Variants in OPHN1 observed in about 807,000 individuals in gnomAD.
OPHN1 encodes oligophrenin-1.
In OPHN1, 11 loss-of-function variants were observed where a neutral mutation model predicts 60.7. That is an observed-to-expected ratio of 0.18 (90% confidence interval 0.11 to 0.30). The LOEUF (loss-of-function observed/expected upper bound fraction) is 0.30, where lower values mean the gene tolerates loss of function less well. OPHN1 is among the 10% of genes least tolerant of loss of function. OPHN1 has a pLI of 1.00. For missense variants in OPHN1, 449 were observed against 611.0 expected (o/e 0.73, Z 2.80); for synonymous variants, 226 against 222.6 (o/e 1.02, Z -0.14).
intron 2 of OPHN1, among the ~76,000 whole-genome samples, chrX:68,339,602 T>C (rs1320209462): frequency 9.0e-6 from 1 of 111,666 alleles, no homozygotes; most frequent in African/African-American, 3.3e-5. Context: ...CAAACACAAA[T>C]GTATTTCTTT....
chrX:68,341,434 G>A (rs147913056), intron 2 of OPHN1, among the ~76,000 whole-genome samples: 2,766 of 111,166 alleles, frequency 0.025, 81 homozygotes, highest in African/African-American at 0.085. Flanking sequence ...ATGATTATGC[G>A]ATCAGTAAAA....
intron 5 of OPHN1, among the ~76,000 whole-genome samples, chrX:68,246,425 A>G (rs187393088): frequency 4.5e-5 from 5 of 111,839 alleles, no homozygotes; most frequent in Admixed American, 1.9e-4. Context: ...GAGATCATCT[A>G]TGGGCAGGAG....
chrX:68,182,980 T>A (rs1185870819), intron 15 of OPHN1, among the ~76,000 whole-genome samples: 1 of 111,898 alleles, frequency 8.9e-6, no homozygotes, highest in African/African-American at 3.2e-5. Context: ...TTTTTACATA[T>A]CCATTCAGGT....
intron 2 of OPHN1, among the ~76,000 whole-genome samples, chrX:68,395,220 G>A (rs2078677151): frequency 9.0e-6 from 1 of 110,739 alleles, no homozygotes; most frequent in South Asian, 3.9e-4. Flanking sequence ...GCCTCCCAAA[G>A]TGCTGGGATT....
chrX:68,249,642 G>A (rs1173686880), intron 5 of OPHN1, among the ~76,000 whole-genome samples: 1 of 111,831 alleles, frequency 8.9e-6, no homozygotes, highest in Non-Finnish European at 1.9e-5. Flanking sequence ...ACCAGCTGTG[G>A]AGCTGACAGC....
At chrX:68,172,654 T>C (rs1038250115) in intron 15 of OPHN1, among the ~76,000 whole-genome samples, 3 of 111,243 alleles carry the variant, frequency 2.7e-5, no homozygotes, top group African/African-American at 9.8e-5. Flanking sequence ...AACCCAAATA[T>C]ACATATACAC....
chrX:68,325,402 A>T lies in OPHN1; in HGVS notation c.155-26306T>A, dbSNP rs990142367. On this transcript the variant is annotated intron_variant, in intron 2 of 24. Coordinates refer to ENST00000355520, the MANE Select transcript of OPHN1 (RefSeq NM_002547.3). ...CTCTGATATAGATGCACATATATAT[A>T]AAAAATTATGATATGACACAGGAAA... 3.8e-5 allele frequency among the ~76,000 whole-genome samples: 4 copies of T among 106,585 alleles called. No homozygotes were observed. In the East Asian group the frequency reaches 1.2e-3, roughly 32 times the overall value. The allele number at this position is 106,585 out of a possible 115,157, so 92.6% of individuals were successfully genotyped here.
chrX:68,260,997 G>T (rs1278544472), intron 5 of OPHN1, among the ~76,000 whole-genome samples: 1 of 111,535 alleles, frequency 9.0e-6, no homozygotes, highest in Non-Finnish European at 1.9e-5. Context: ...AGTTCTTTCT[G>T]TGATAACTGT....
chrX:68,274,605 G>A, intron 5 of OPHN1, 133 bp downstream of exon 5: 1 of 457,572 alleles, frequency 2.2e-6, no homozygotes, highest in South Asian at 2.9e-5. Flanking sequence ...ATTTTGCACA[G>A]TTTAGGAGGC....
In OPHN1 at chrX:68,125,695, T is replaced by G. The variant is rs778878077; in HGVS notation, c.1277-6363A>C. Reference sequence around the variant, plus strand: ...AAGATCAAAGGCATAATAAAAAGTCTAACAGCAAAGAAAAGTCTGGGACCC... The same window carrying G: ...AAGATCAAAGGCATAATAAAAAGTCGAACAGCAAAGAAAAGTCTGGGACCC... On this transcript the variant is annotated intron_variant, in intron 15 of 24. Transcript: ENST00000355520. Among the ~76,000 whole-genome samples the G allele has an allele frequency of 2.8e-5, 3 of 107,769 alleles. No individual in the cohort carries two copies. In the East Asian group the frequency reaches 8.9e-4, roughly 32 times the overall value. The allele number at this position is 107,769 out of a possible 115,157, so 93.6% of individuals were successfully genotyped here. A position where few individuals can be genotyped will look rare whatever the true frequency, so the allele number is the denominator to read the frequency against.
At chrX:68,167,184 GA>G (rs1185386027) in intron 15 of OPHN1, among the ~76,000 whole-genome samples, 1 of 111,274 alleles carries the variant, frequency 9.0e-6, no homozygotes, top group East Asian at 2.8e-4. Flanking sequence ...CTACTGTGTA[GA>G]AAAAAAGTCT....
chrX:68,412,059 T>C (rs931590699), intron 2 of OPHN1, among the ~76,000 whole-genome samples: 2 of 111,341 alleles, frequency 1.8e-5, no homozygotes, highest in Non-Finnish European at 3.8e-5. Context: ...TAGATAAAAC[T>C]TCACAGGCAG....
In OPHN1 at chrX:68,271,443, G is replaced by A. The variant is rs776711085; in HGVS notation, c.384+3295C>T. Among the ~76,000 whole-genome samples, 12 of 110,216 alleles carry A rather than the reference G, an allele frequency of 1.1e-4. No homozygotes were observed. The Admixed American group carries it at 1.2e-3, about 11-fold the overall frequency. Reference sequence around the variant, plus strand: ...TCCCAGCAACTTGAGAGGCTGAGGTGAGAGGATCACCTGAGCCCAGGGAGG... The same window carrying A: ...TCCCAGCAACTTGAGAGGCTGAGGTAAGAGGATCACCTGAGCCCAGGGAGG... On this transcript the variant is annotated intron_variant, in intron 5 of 24. Transcript: ENST00000355520.
intron 6 of OPHN1, among the ~76,000 whole-genome samples, chrX:68,220,493 G>T (rs2077649030): frequency 9.4e-6 from 1 of 106,060 alleles, no homozygotes; most frequent in Non-Finnish European, 1.9e-5. Context: ...GAGAATTTTA[G>T]ACCAATATCC....
At chrX:68,165,693 C>T (rs1418570709) in intron 15 of OPHN1, among the ~76,000 whole-genome samples, 2 of 111,773 alleles carry the variant, frequency 1.8e-5, no homozygotes, top group African/African-American at 6.5e-5. Context: ...CACCAAGAAA[C>T]TTGCTCAGTA....
chrX:68,362,540 A>T (rs1172222164), intron 2 of OPHN1, among the ~76,000 whole-genome samples: 1 of 111,588 alleles, frequency 9.0e-6, no homozygotes, highest in East Asian at 2.8e-4. Context: ...TAAGTACGTG[A>T]GGTAACGAGT....
intron 2 of OPHN1, among the ~76,000 whole-genome samples, chrX:68,385,592 T>C (rs1461305954): frequency 8.9e-6 from 1 of 111,988 alleles, no homozygotes; most frequent in African/African-American, 3.2e-5. Flanking sequence ...AAAGAAAAAA[T>C]TCCTCTACAT....
intron 10 of OPHN1, among the ~76,000 whole-genome samples, chrX:68,202,257 A>T (rs1168743323): frequency 8.9e-6 from 1 of 111,995 alleles, no homozygotes. Flanking sequence ...AAGGTAGCGC[A>T]AAAGTAGAGG....
At chrX:68,277,009 C>T (rs1395440627) in intron 4 of OPHN1, among the ~76,000 whole-genome samples, 2 of 111,441 alleles carry the variant, frequency 1.8e-5, no homozygotes, top group East Asian at 5.6e-4. Context: ...TCATTTGGAG[C>T]AGAAGAATCG....
Sources: gnomAD v4.1 joint callset for allele counts (sites outside exome capture counted in the v4.1 genomes callset) on GRCh38, gnomAD v4.1.1 for gene constraint, MANE v1.5 for transcripts, NCBI Gene and HGNC (gene_info 2026-07-23, HGNC 2026-07-21) for gene names.